Variants in FHIT observed in about 807,000 individuals in gnomAD.
The protein encoded by FHIT is bis(5'-adenosyl)-triphosphatase.
FHIT carries 19 observed loss-of-function variants against 17.9 expected under a neutral mutation model. That is an observed-to-expected ratio of 1.06 (90% CI 0.74 to 1.56). The LOEUF (loss-of-function observed/expected upper bound fraction) is 1.56, where lower values mean the gene tolerates loss of function less well. Ranked by LOEUF, FHIT falls within the 40% of genes most tolerant of loss-of-function variation. FHIT has a pLI of 0.00. For synonymous variants in FHIT, 81 were observed against 69.7 expected (o/e 1.16, Z -0.81); for missense variants, 248 against 189.2 (o/e 1.31, Z -1.82).
intron 5 of FHIT, among the ~76,000 whole-genome samples, chr3:60,234,241 T>A (rs213418): frequency 0.35 from 52,621 of 152,060 alleles, 9,331 homozygotes; most frequent in African/African-American, 0.4. Flanking sequence ...AATTAATGCC[T>A]TGGAAAGTGA....
chr3:60,931,042 T>G (rs1464184101), intron 3 of FHIT, among the ~76,000 whole-genome samples: 1 of 152,172 alleles, frequency 6.6e-6, no homozygotes. Context: ...CCATAAAAAT[T>G]GATGAGTTCA....
intron 5 of FHIT, among the ~76,000 whole-genome samples, chr3:60,074,288 G>A (rs1413677553): frequency 1.3e-5 from 2 of 151,974 alleles, no homozygotes; most frequent in Non-Finnish European, 2.9e-5. Flanking sequence ...TTAAACCTTT[G>A]TTCACTGGAA....
intron 4 of FHIT, among the ~76,000 whole-genome samples, chr3:60,627,068 G>C (rs1348858475): frequency 6.6e-6 from 1 of 152,024 alleles, no homozygotes; most frequent in Non-Finnish European, 1.5e-5. Context: ...TACAAAATAT[G>C]TTGCTGGATC....
chr3:59,870,434 G>A (rs1183596174), intron 8 of FHIT, among the ~76,000 whole-genome samples: 2 of 152,094 alleles, frequency 1.3e-5, no homozygotes, highest in East Asian at 3.9e-4. Flanking sequence ...CAGTCTTAAC[G>A]AGTCTTAATA....
chr3:60,236,000 T>G (rs17397398), intron 5 of FHIT, among the ~76,000 whole-genome samples: 28,092 of 151,944 alleles, frequency 0.18, 2,662 homozygotes, highest in East Asian at 0.28. Context: ...GCTATCTGGG[T>G]CTGCTTTTAA....
chr3:60,845,788 C>A (rs1702906850), intron 3 of FHIT, among the ~76,000 whole-genome samples: 1 of 152,152 alleles, frequency 6.6e-6, no homozygotes, highest in Non-Finnish European at 1.5e-5. Flanking sequence ...TCACCATTAA[C>A]TCACAGGTCG....
chr3:60,061,452 A>C (rs1427741653), intron 5 of FHIT, among the ~76,000 whole-genome samples: 1 of 152,154 alleles, frequency 6.6e-6, no homozygotes, highest in Non-Finnish European at 1.5e-5. Flanking sequence ...TTCCTTTTTT[A>C]TGCTCTTTCC....
chr3:60,238,992 T>C (rs1234454210), intron 5 of FHIT, among the ~76,000 whole-genome samples: 4 of 152,044 alleles, frequency 2.6e-5, no homozygotes, highest in Non-Finnish European at 5.9e-5. Flanking sequence ...TTGAAGAAAA[T>C]ATTTAGGAAC....
chr3:59,941,292 G>T (rs901799459), intron 7 of FHIT, among the ~76,000 whole-genome samples: 3 of 152,224 alleles, frequency 2.0e-5, no homozygotes, highest in Non-Finnish European at 4.4e-5. Context: ...GGGCAGGAGG[G>T]TGGATCAGAC....
chr3:60,593,035 A>G (rs1385630246), intron 4 of FHIT, among the ~76,000 whole-genome samples: 1 of 152,170 alleles, frequency 6.6e-6, no homozygotes, highest in Non-Finnish European at 1.5e-5. Flanking sequence ...ACAGGCATAA[A>G]GAGAAGCCTG....
intron 5 of FHIT, among the ~76,000 whole-genome samples, chr3:60,292,883 CAATT>C (rs1457668690): frequency 1.4e-5 from 2 of 145,576 alleles, no homozygotes; most frequent in Non-Finnish European, 3.1e-5. Context: ...CCCTGATAGT[CAATT>C]AAAAAACATT....
chr3:60,005,822 C>A (rs542380672), intron 7 of FHIT, among the ~76,000 whole-genome samples: 1 of 152,128 alleles, frequency 6.6e-6, no homozygotes, highest in Non-Finnish European at 1.5e-5. Context: ...TAATAAGTAA[C>A]GGTAAAAGAA....
chr3:60,447,980 A>C (rs1379561604), intron 5 of FHIT, among the ~76,000 whole-genome samples: 2 of 152,198 alleles, frequency 1.3e-5, no homozygotes, highest in African/African-American at 4.8e-5. Flanking sequence ...TCTCACCATG[A>C]AATGATTTTG....
chr3:60,497,616 G>A (rs941124368), intron 5 of FHIT, among the ~76,000 whole-genome samples: 1 of 152,082 alleles, frequency 6.6e-6, no homozygotes, highest in Non-Finnish European at 1.5e-5. Flanking sequence ...GAAGACTGTG[G>A]AAGAACCCAG....
At chr3:60,463,549 T>G (rs138489733) in intron 5 of FHIT, among the ~76,000 whole-genome samples, 7 of 152,262 alleles carry the variant, frequency 4.6e-5, no homozygotes, top group African/African-American at 1.7e-4. Flanking sequence ...CCATTTCTCC[T>G]TCTCAGAACA....
chr3:60,009,801 T>C (rs1700071893), intron 7 of FHIT, among the ~76,000 whole-genome samples: 1 of 152,212 alleles, frequency 6.6e-6, no homozygotes, highest in African/African-American at 2.4e-5. Context: ...CATTCCTTCC[T>C]TGTCCCAGTC....
At chr3:60,405,325 T>C (rs1254675110) in intron 5 of FHIT, among the ~76,000 whole-genome samples, 1 of 152,192 alleles carries the variant, frequency 6.6e-6, no homozygotes, top group African/African-American at 2.4e-5. Flanking sequence ...CCTTTTTTGC[T>C]TACTCACACA....
intron 5 of FHIT, among the ~76,000 whole-genome samples, chr3:60,405,744 G>C (rs925104508): frequency 6.6e-6 from 1 of 152,148 alleles, no homozygotes; most frequent in African/African-American, 2.4e-5. Flanking sequence ...CAACTAGGAG[G>C]GTGCTACAGG....
intron 3 of FHIT, among the ~76,000 whole-genome samples, chr3:60,824,204 T>A (rs574660951): frequency 2.0e-5 from 3 of 152,336 alleles, no homozygotes; most frequent in Non-Finnish European, 4.4e-5. Context: ...CCTGCAGTTA[T>A]CCTGGTGAAT....
Sources: allele counts gnomAD v4.1 joint callset (sites outside exome capture counted in the v4.1 genomes callset), GRCh38; gene constraint gnomAD v4.1.1; transcripts MANE v1.5; gene names NCBI Gene and HGNC (gene_info 2026-07-23, HGNC 2026-07-21).